Variants in CFAP20DC observed in about 807,000 individuals in gnomAD.
The protein encoded by CFAP20DC is CFAP20 domain containing, also known as protein CFAP20DC.
A neutral mutation model predicts 101.7 loss-of-function variants in CFAP20DC; 84 were observed. The ratio of observed to expected loss-of-function variants is 0.83; its 90% CI spans 0.69 to 0.99. The LOEUF is 0.99. Among genes scored for constraint, CFAP20DC ranks in the 50% least tolerant of loss-of-function variants. The pLI, the probability that CFAP20DC is intolerant of heterozygous loss-of-function variation, is 0.00. For synonymous variants in CFAP20DC, 359 were observed against 351.2 expected, an observed-to-expected ratio of 1.02 and a Z score of -0.25; for missense variants, 1,007 against 970.3, an observed-to-expected ratio of 1.04 and a Z score of -0.50.
rs1056745644 is a variant in CFAP20DC, at chr3:58,868,896, G to T, written c.1015+432C>A. 6.6e-6 allele frequency among the ~76,000 whole-genome samples: 1 copy of T among 152,072 alleles called. No homozygotes were observed. Among genetic ancestry groups the T allele is most frequent in the African/African-American group, 2.4e-5 (1 of 41,410 alleles). On this transcript the variant is annotated intron_variant, in intron 9 of 16. Transcript: ENST00000482387. The surrounding 1 kb of genome is among the most constrained non-coding windows in gnomAD (Gnocchi z 4.6). ...ACTTTAAATCTCTATCTGTAAAATG[G>T]AACAAAAATCCTTTTTCACTTACAG...
At chr3:58,779,166 T>C (rs969448566) in intron 15 of CFAP20DC, among the ~76,000 whole-genome samples, 1 of 152,104 alleles carries the variant, frequency 6.6e-6, no homozygotes, top group Non-Finnish European at 1.5e-5. Context: ...AAAATATTGA[T>C]ATTAAAGATG....
chr3:58,793,637 T>C (rs770945738), intron 15 of CFAP20DC, among the ~76,000 whole-genome samples: 2 of 152,152 alleles, frequency 1.3e-5, no homozygotes, highest in Non-Finnish European at 1.5e-5. Flanking sequence ...ATGTATAGAT[T>C]CTCACCCCCT....
At chr3:58,851,860 A>G (rs1216020909) in intron 12 of CFAP20DC, among the ~76,000 whole-genome samples, 1 of 152,194 alleles carries the variant, frequency 6.6e-6, no homozygotes, top group Non-Finnish European at 1.5e-5. Flanking sequence ...AAACTCTTGC[A>G]AATTTGAACT....
At chr3:58,757,742 A>G (rs573439582) in intron 15 of CFAP20DC, among the ~76,000 whole-genome samples, 2 of 152,176 alleles carry the variant, frequency 1.3e-5, no homozygotes, top group Non-Finnish European at 2.9e-5. Context: ...AGGTATATCT[A>G]ATTTTACCTC....
intron 15 of CFAP20DC, among the ~76,000 whole-genome samples, chr3:58,758,147 G>C (rs373313725): frequency 2.8e-4 from 42 of 152,050 alleles, no homozygotes; most frequent in African/African-American, 9.9e-4. Context: ...CATTTTGTTT[G>C]TTTGTTTTGT....
intron 14 of CFAP20DC, among the ~76,000 whole-genome samples, chr3:58,825,578 C>A (rs1251530393): frequency 1.3e-5 from 2 of 151,512 alleles, no homozygotes; most frequent in Non-Finnish European, 2.9e-5. Flanking sequence ...ATGCTATTGT[C>A]AATCAAAATC....
chr3:58,717,641 T>C lies in CFAP20DC; in HGVS notation c.198-13A>G. On this transcript the variant is annotated splice_polypyrimidine_tract_variant and intron_variant, in intron 3 of 3. Coordinates refer to the CFAP20DC transcript ENST00000486145. The surrounding 1 kb of genome is among the most constrained non-coding windows in gnomAD (Gnocchi z 4.1). ...CCAGACATTTCTTCTGCATTTCAGG[T>C]AGGAGAAGAGAGAAGAAAAAAAAAA... 1 of 445,734 alleles carries C rather than the reference T, an allele frequency of 2.2e-6. No individual in the cohort carries two copies. Among genetic ancestry groups the C allele is most frequent in the Non-Finnish European group, 4.5e-6 (1 of 223,874 alleles). The allele number at this position is 445,734 out of a possible 1,614,324, so 27.6% of individuals were successfully genotyped here.
rs1209841352 is a variant in CFAP20DC, at chr3:58,724,781, T to G, written c.198-7153A>C. On this transcript the variant is annotated intron_variant, in intron 3 of 3. Transcript: ENST00000486145. This position sits in a 1 kb window ranked among gnomAD's most constrained non-coding sequence, Gnocchi z 5.6. ...CTTAACCTGTCTCTTCTCAATCCTT[T>G]GTCGCCACCGGACTTCGGGTACCCT... is the stretch of plus-strand genomic sequence containing the variant. Among the ~76,000 whole-genome samples the G allele has an allele frequency of 6.6e-6, 1 of 152,134 alleles. No homozygotes were observed. The highest frequency in any genetic ancestry group is 1.5e-5 in the Non-Finnish European group (1 of 68,006).
intron 5 of CFAP20DC, among the ~76,000 whole-genome samples, chr3:58,934,764 G>A (rs953995213): frequency 2.0e-5 from 3 of 152,172 alleles, no homozygotes; most frequent in Non-Finnish European, 4.4e-5. Context: ...GTATTGATGG[G>A]ACATATCTGA....
At chr3:58,812,370 C>T (rs2074722293) in intron 14 of CFAP20DC, among the ~76,000 whole-genome samples, 1 of 152,088 alleles carries the variant, frequency 6.6e-6, no homozygotes, top group African/African-American at 2.4e-5. Context: ...GAATACTATG[C>T]AGCCATAAAA....
At chr3:58,908,457 A>G (rs2083820767) in intron 6 of CFAP20DC, among the ~76,000 whole-genome samples, 1 of 152,226 alleles carries the variant, frequency 6.6e-6, no homozygotes, top group South Asian at 2.1e-4. Context: ...AGTTTATACT[A>G]CACACATATT....
At chr3:58,809,368 C>A (rs1320432730) in intron 14 of CFAP20DC, among the ~76,000 whole-genome samples, 1 of 152,166 alleles carries the variant, frequency 6.6e-6, no homozygotes, top group Non-Finnish European at 1.5e-5. Flanking sequence ...GACCACAGTG[C>A]AATCAAACTA....
At chr3:58,872,701 G>A (rs539409208) in intron 7 of CFAP20DC, among the ~76,000 whole-genome samples, 10 of 152,234 alleles carry the variant, frequency 6.6e-5, no homozygotes, top group Non-Finnish European at 1.2e-4. Flanking sequence ...GAACTAATGA[G>A]AAGAATTTAC....
At position 58,855,402 on chromosome 3, in the gene CFAP20DC, G is replaced by T. The variant is rs1298643822; in HGVS notation, c.1594-5993C>A. On this transcript the variant is annotated intron_variant, in intron 12 of 16. Coordinates refer to ENST00000482387, the MANE Select transcript of CFAP20DC (RefSeq NM_001394063.1). ...ACACTGTTGCTGGGACTGTAAACTAGTTCAACCACTGTGGAAGTCAGTGTG... is the reference window on the plus strand; with the variant it reads ...ACACTGTTGCTGGGACTGTAAACTATTTCAACCACTGTGGAAGTCAGTGTG... Among the ~76,000 whole-genome samples, 8 of 152,264 alleles carry T rather than the reference G, an allele frequency of 5.3e-5. No homozygotes were observed. In the East Asian group the frequency reaches 1.4e-3, roughly 26 times the overall value.
intron 14 of CFAP20DC, among the ~76,000 whole-genome samples, chr3:58,825,794 A>G (rs2076000229): frequency 6.6e-6 from 1 of 152,208 alleles, no homozygotes; most frequent in Non-Finnish European, 1.5e-5. Flanking sequence ...AGAAACTTTG[A>G]AAAATTTGTC....
Position 58,988,295 on chromosome 3 carries a change from A to G in CFAP20DC, c.279-50533T>C, listed in dbSNP as rs888317914. Reference sequence around the variant, plus strand: ...GCAAACTAGAAAAGTAAGCACTTTAATCTATGACTAAGTTATATTTTTAGA... The same window carrying G: ...GCAAACTAGAAAAGTAAGCACTTTAGTCTATGACTAAGTTATATTTTTAGA... On this transcript the variant is annotated intron_variant, in intron 4 of 16. Transcript: ENST00000482387. 9.2e-5 allele frequency among the ~76,000 whole-genome samples: 14 copies of G among 152,306 alleles called. 1 individual carries two copies. Among genetic ancestry groups the G allele is most frequent in the Admixed American group, 6.5e-4 (10 of 15,298 alleles).
At chr3:58,957,762 T>A (rs935504451) in intron 4 of CFAP20DC, among the ~76,000 whole-genome samples, 1 of 152,122 alleles carries the variant, frequency 6.6e-6, no homozygotes, top group African/African-American at 2.4e-5. Context: ...AGACAAACAT[T>A]GAATGTTCTG....
chr3:58,866,371 C>T (rs1192862396), intron 11 of CFAP20DC, among the ~76,000 whole-genome samples, 195 bp downstream of exon 11: 1 of 152,074 alleles, frequency 6.6e-6, no homozygotes, highest in East Asian at 1.9e-4. Flanking sequence ...TGCATTAAAA[C>T]TTGAAAATAA....
At chr3:58,955,350 C>G (rs531160639) in intron 4 of CFAP20DC, among the ~76,000 whole-genome samples, 165 of 152,298 alleles carry the variant, frequency 1.1e-3, no homozygotes, top group African/African-American at 3.8e-3. Flanking sequence ...GATGCCACCC[C>G]TCCCCCATGT....
Sources: gnomAD v4.1 joint callset for allele counts (sites outside exome capture counted in the v4.1 genomes callset) on GRCh38, gnomAD v4.1.1 for gene constraint, Gnocchi (gnomAD v3.1) non-coding constraint, MANE v1.5 for transcripts, NCBI Gene and HGNC (gene_info 2026-07-23, HGNC 2026-07-21) for gene names.